The following SLC1A1 variants were observed in gnomAD, a reference collection of about 807,000 sequenced individuals.
SLC1A1 encodes solute carrier family 1 member 1.
A neutral mutation model predicts 53.3 loss-of-function variants in SLC1A1; 43 were observed. The ratio of observed to expected loss-of-function variants is 0.81; its 90% CI spans 0.63 to 1.04. SLC1A1 has a LOEUF of 1.04. Among genes scored for constraint, SLC1A1 ranks in the 50% least tolerant of loss-of-function variants. The pLI is 0.00. For missense variants in SLC1A1, 748 were observed against 664.9 expected, an observed-to-expected ratio of 1.12 and a Z score of -1.37; for synonymous variants, 307 against 243.2, an observed-to-expected ratio of 1.26 and a Z score of -2.44.
Position 4,490,655 on chromosome 9 carries a change from C to G in SLC1A1, c.-25C>G, listed in dbSNP as rs761763667. ...CCAGCCCACGCGCGCACGGCCGAGCCCAGCGCACAATAGCGGCGACAGCCA... is the reference window on the plus strand; with the variant it reads ...CCAGCCCACGCGCGCACGGCCGAGCGCAGCGCACAATAGCGGCGACAGCCA... On this transcript the variant is annotated 5_prime_UTR_variant, in exon 1 of 12. Transcript: ENST00000262352. 3 of 1,605,890 alleles carry G rather than the reference C, an allele frequency of 1.9e-6. No homozygotes were observed. The highest frequency in any genetic ancestry group is 2.6e-6 in the Non-Finnish European group (3 of 1,173,524).
At chr9:4,523,103 C>G (rs1816139862) in intron 1 of SLC1A1, among the ~76,000 whole-genome samples, 1 of 152,218 alleles carries the variant, frequency 6.6e-6, no homozygotes, top group African/African-American at 2.4e-5. Flanking sequence ...TGTCTTCCCA[C>G]AGCTCAATAC....
Position 4,577,028 on chromosome 9 carries a change from G to T in SLC1A1, c.1193+265G>T, listed in dbSNP as rs1488600804. ...GGCTAGCACAAAGACTCAAGGCTGA[G>T]TAAGGGCCAGTCCCTGCTTTCAAAC... is the stretch of plus-strand genomic sequence containing the variant. On this transcript the variant is annotated intron_variant, in intron 10 of 11. Coordinates refer to ENST00000262352, the MANE Select transcript of SLC1A1 (RefSeq NM_004170.6). Among the ~76,000 whole-genome samples the T allele has an allele frequency of 2.6e-5, 4 of 152,208 alleles. No individual in the cohort carries two copies. In the East Asian group the frequency reaches 7.7e-4, roughly 29 times the overall value.
intron 7 of SLC1A1, among the ~76,000 whole-genome samples, chr9:4,573,493 G>A (rs747499244): frequency 5.4e-4 from 82 of 152,014 alleles, no homozygotes; most frequent in Non-Finnish European, 6.0e-4. Flanking sequence ...TAATACTATC[G>A]CCTCTATTGC....
intron 1 of SLC1A1, among the ~76,000 whole-genome samples, chr9:4,519,345 C>A (rs532610106): frequency 6.6e-6 from 1 of 152,294 alleles, no homozygotes; most frequent in Non-Finnish European, 1.5e-5. Context: ...TGGGTTCACC[C>A]AACATTCTCG....
rs537442865 is a variant in SLC1A1, at chr9:4,578,265, T to C, written c.1193+1502T>C. 5.6e-4 allele frequency among the ~76,000 whole-genome samples: 86 copies of C among 152,362 alleles called. 2 individuals are homozygous for C. The South Asian group carries it at 0.015, about 27-fold the overall frequency. ...GGCTACATCATGATTAGCTGTGATCTTGGGCAAGTGACTTGAATTTTTAAA... is the reference window on the plus strand; with the variant it reads ...GGCTACATCATGATTAGCTGTGATCCTGGGCAAGTGACTTGAATTTTTAAA... On this transcript the variant is annotated intron_variant, in intron 10 of 11. Coordinates refer to ENST00000262352, the MANE Select transcript of SLC1A1 (RefSeq NM_004170.6).
intron 1 of SLC1A1, among the ~76,000 whole-genome samples, chr9:4,526,074 C>T (rs1191958331): frequency 1.3e-5 from 2 of 151,966 alleles, no homozygotes; most frequent in Admixed American, 6.6e-5. Flanking sequence ...CAGTTGAGGC[C>T]AAGAGTTTGA....
At position 4,556,352 on chromosome 9, in the gene SLC1A1, A is replaced by G. The variant is rs935174011; in HGVS notation, c.233-5097A>G. Among the ~76,000 whole-genome samples, 1 of 152,166 alleles carries G rather than the reference A, an allele frequency of 6.6e-6. No individual in the cohort carries two copies. Among genetic ancestry groups the G allele is most frequent in the Non-Finnish European group, 1.5e-5 (1 of 68,038 alleles). ...TTTATTATTACATTCAACAGAAATA[A>G]AGTTACTGTCCAATTACTATAAACA... On this transcript the variant is annotated intron_variant, in intron 2 of 11. Coordinates refer to ENST00000262352, the MANE Select transcript of SLC1A1 (RefSeq NM_004170.6). The surrounding 1 kb of genome is among the most constrained non-coding windows in gnomAD (Gnocchi z 4.1).
intron 1 of SLC1A1, among the ~76,000 whole-genome samples, chr9:4,496,679 G>A (rs1820435570): frequency 1.3e-5 from 2 of 152,134 alleles, no homozygotes; most frequent in South Asian, 2.1e-4. Flanking sequence ...AGGACTGCTT[G>A]AGGCTAGGAG....
At chr9:4,510,574 TTACA>T (rs1486429214) in intron 1 of SLC1A1, among the ~76,000 whole-genome samples, 1 of 152,190 alleles carries the variant, frequency 6.6e-6, no homozygotes, top group African/African-American at 2.4e-5. Context: ...TGTTGTCTCC[TTACA>T]TACAGTCTCT....
chr9:4,508,964 G>C (rs1180321924), intron 1 of SLC1A1, among the ~76,000 whole-genome samples: 1 of 152,072 alleles, frequency 6.6e-6, no homozygotes, highest in African/African-American at 2.4e-5. Flanking sequence ...AATTAGACCT[G>C]TTTGAGGGGG....
intron 2 of SLC1A1, among the ~76,000 whole-genome samples, chr9:4,560,619 T>G (rs1284468162): frequency 6.6e-6 from 1 of 152,160 alleles, no homozygotes; most frequent in Non-Finnish European, 1.5e-5. Flanking sequence ...AACATTATTT[T>G]TTCCAGTTAA....
intron 1 of SLC1A1, among the ~76,000 whole-genome samples, chr9:4,512,114 T>C (rs547481585): frequency 3.1e-4 from 47 of 152,314 alleles, no homozygotes; most frequent in African/African-American, 1.1e-3. Context: ...TGACTCAACA[T>C]AGTAATGATG....
At chr9:4,514,558 A>G (rs1017228830) in intron 1 of SLC1A1, among the ~76,000 whole-genome samples, 1 of 152,194 alleles carries the variant, frequency 6.6e-6, no homozygotes, top group African/African-American at 2.4e-5. Context: ...TGAAATGGTA[A>G]TCAGATAAAT....
In SLC1A1 at chr9:4,576,698, G is replaced by A. The variant is rs938289788; in HGVS notation, c.1128G>A (p.Val376=). 5 of 1,614,080 alleles carry A rather than the reference G, an allele frequency of 3.1e-6. No homozygotes were observed. Among genetic ancestry groups the A allele is most frequent in the East Asian group, 2.2e-5 (1 of 44,902 alleles). The change falls in exon 10 of 12, where the codon GTG becomes GTA. Residue 376 remains valine (V), a synonymous_variant. Transcript: ENST00000262352. Reference sequence around the variant, plus strand: ...ATGGGACTGCGCTCTATGAAGCAGTGGCAGCGGTGTTTATTGCACAGTTGA... The same window carrying A: ...ATGGGACTGCGCTCTATGAAGCAGTAGCAGCGGTGTTTATTGCACAGTTGA... The part of the protein sequence containing the change: ...NMDGTALYEA[V]AAVFIAQLND...
chr9:4,565,282 G>C (rs1274718137), intron 4 of SLC1A1, among the ~76,000 whole-genome samples: 2 of 152,172 alleles, frequency 1.3e-5, no homozygotes, highest in African/African-American at 4.8e-5. Flanking sequence ...CAGTAATTAT[G>C]ATGATATTTG....
At chr9:4,561,573 A>T (rs1435756295) in intron 3 of SLC1A1, 32 bp downstream of exon 3, 1 of 1,254,632 alleles carries the variant, frequency 8.0e-7, no homozygotes, top group Admixed American at 1.7e-5. Flanking sequence ...TTACTACTTT[A>T]TGTAATGGTG....
At chr9:4,497,009 A>T (rs1820450831) in intron 1 of SLC1A1, among the ~76,000 whole-genome samples, 1 of 152,136 alleles carries the variant, frequency 6.6e-6, no homozygotes, top group South Asian at 2.1e-4. Context: ...CTAGTTGGGG[A>T]TTGGCCAGAG....
intron 1 of SLC1A1, among the ~76,000 whole-genome samples, chr9:4,535,982 G>A (rs1372025203): frequency 1.3e-5 from 2 of 152,122 alleles, no homozygotes; most frequent in Non-Finnish European, 2.9e-5. Flanking sequence ...GGGAAAACTG[G>A]CTAGCCATAT....
intron 1 of SLC1A1, among the ~76,000 whole-genome samples, chr9:4,537,774 A>C (rs2130865792): frequency 6.6e-6 from 1 of 152,172 alleles, no homozygotes; most frequent in East Asian, 1.9e-4. Context: ...CCTTGGGGGT[A>C]GGGAGAAGTG....
Sources: gnomAD v4.1 joint callset for allele counts (sites outside exome capture counted in the v4.1 genomes callset) on GRCh38, gnomAD v4.1.1 for gene constraint, Gnocchi (gnomAD v3.1) non-coding constraint, MANE v1.5 for transcripts, NCBI Gene and HGNC (gene_info 2026-07-23, HGNC 2026-07-21) for gene names.